Variants in DNAJC1 observed in about 807,000 individuals in gnomAD.
DNAJC1 encodes the protein dnaJ homolog subfamily C member 1.
In DNAJC1, 58 loss-of-function variants were observed where a neutral mutation model predicts 76.6. That is an observed-to-expected ratio of 0.76 (90% CI 0.61 to 0.94). The LOEUF is 0.94. Among genes scored for constraint, DNAJC1 ranks in the 40% least tolerant of loss-of-function variants. The pLI, the probability that DNAJC1 is intolerant of heterozygous loss-of-function variation, is 0.00. For missense variants in DNAJC1, 689 were observed against 677.3 expected (o/e 1.02, Z -0.19); for synonymous variants, 258 against 267.9 (o/e 0.96, Z 0.36).
intron 1 of DNAJC1, among the ~76,000 whole-genome samples, chr10:21,983,461 A>T (rs1162176382): frequency 6.6e-6 from 1 of 152,190 alleles, no homozygotes; most frequent in Non-Finnish European, 1.5e-5. Flanking sequence ...GCAGTGGCTC[A>T]CACCTGTAAT....
chr10:21,952,715 C>T (rs1019685569), intron 1 of DNAJC1, among the ~76,000 whole-genome samples: 1 of 151,994 alleles, frequency 6.6e-6, no homozygotes, highest in Admixed American at 6.6e-5. Flanking sequence ...GCTGAGATTG[C>T]GCCACTGCAC....
At chr10:21,894,216 C>A (rs1197518828) in intron 7 of DNAJC1, among the ~76,000 whole-genome samples, 1 of 152,072 alleles carries the variant, frequency 6.6e-6, no homozygotes, top group Non-Finnish European at 1.5e-5. Flanking sequence ...ATGATCTCCC[C>A]ACAGAATTCT....
At chr10:21,772,271 C>CTTTTTTTTTT (rs398045895) in intron 9 of DNAJC1, among the ~76,000 whole-genome samples, 1 of 93,044 alleles carries the variant, frequency 1.1e-5, no homozygotes, top group Non-Finnish European at 2.0e-5. Context: ...CACCCCTCTT[C>CTTTTTTTTTT]TTTTTTTTTT....
At chr10:21,810,148 C>G (rs1356403097) in intron 8 of DNAJC1, among the ~76,000 whole-genome samples, 1 of 152,078 alleles carries the variant, frequency 6.6e-6, no homozygotes, top group Non-Finnish European at 1.5e-5. Flanking sequence ...GCACACAATT[C>G]CGTTCAGAAT....
chr10:21,898,414 T>C (rs1287220491), intron 7 of DNAJC1, among the ~76,000 whole-genome samples: 4 of 152,194 alleles, frequency 2.6e-5, no homozygotes, highest in African/African-American at 9.6e-5. Flanking sequence ...GCATTACTCA[T>C]GTGTCGTAGT....
intron 7 of DNAJC1, among the ~76,000 whole-genome samples, chr10:21,898,688 C>T (rs893514320): frequency 6.6e-6 from 1 of 151,684 alleles, no homozygotes; most frequent in Non-Finnish European, 1.5e-5. Context: ...AAGTAGCAGG[C>T]ATTATAGACA....
At chr10:21,872,429 G>A (rs1836119849) in intron 8 of DNAJC1, among the ~76,000 whole-genome samples, 1 of 152,120 alleles carries the variant, frequency 6.6e-6, no homozygotes, top group Non-Finnish European at 1.5e-5. Context: ...AGAATTAAAT[G>A]AAAGTATGGG....
chr10:21,915,462 G>A (rs931920962), intron 6 of DNAJC1, among the ~76,000 whole-genome samples: 3 of 152,162 alleles, frequency 2.0e-5, no homozygotes, highest in African/African-American at 7.2e-5. Flanking sequence ...GGAAGCCTCT[G>A]AATCTCCCAC....
chr10:21,825,063 T>C (rs556619161), intron 8 of DNAJC1, among the ~76,000 whole-genome samples: 9 of 152,168 alleles, frequency 5.9e-5, no homozygotes, highest in Non-Finnish European at 7.4e-5. Flanking sequence ...AGGTGTAAGC[T>C]GCCACGCCCG....
chr10:21,908,198 T>TATA (rs1458707158), intron 6 of DNAJC1, among the ~76,000 whole-genome samples: 2 of 98,778 alleles, frequency 2.0e-5, no homozygotes, highest in Middle Eastern at 4.3e-3. Flanking sequence ...ATATATATTA[T>TATA]ATATATAAAA....
At chr10:21,781,249 T>C (rs563171417) in intron 9 of DNAJC1, among the ~76,000 whole-genome samples, 7 of 152,270 alleles carry the variant, frequency 4.6e-5, no homozygotes, top group East Asian at 1.9e-4. Flanking sequence ...GCGGACCTAA[T>C]AGACATCAAC....
intron 8 of DNAJC1, among the ~76,000 whole-genome samples, chr10:21,822,020 C>T (rs1835167556): frequency 1.3e-5 from 2 of 152,114 alleles, no homozygotes; most frequent in Admixed American, 1.3e-4. Context: ...AGAATGGTAC[C>T]TGACTCTTAG....
intron 8 of DNAJC1, among the ~76,000 whole-genome samples, chr10:21,823,997 CAT>C (rs772709243): frequency 2.6e-5 from 4 of 152,070 alleles, no homozygotes; most frequent in Non-Finnish European, 4.4e-5. Context: ...CAGGTAAAAA[CAT>C]ATGGACAAAT....
At chr10:21,956,115 G>T (rs1481565878) in intron 1 of DNAJC1, among the ~76,000 whole-genome samples, 1 of 152,056 alleles carries the variant, frequency 6.6e-6, no homozygotes, top group African/African-American at 2.4e-5. Flanking sequence ...AAAGTCAAAG[G>T]GCCCACTTCT....
chr10:21,944,783 A>T (rs1392201334), intron 1 of DNAJC1, among the ~76,000 whole-genome samples: 2 of 152,238 alleles, frequency 1.3e-5, no homozygotes, highest in Non-Finnish European at 2.9e-5. Context: ...TAAAAAATAA[A>T]CAGGAAAGAA....
At chr10:21,856,732 G>C (rs1224655379) in intron 8 of DNAJC1, among the ~76,000 whole-genome samples, 2 of 151,412 alleles carry the variant, frequency 1.3e-5, no homozygotes, top group African/African-American at 4.9e-5. Flanking sequence ...ATGACACATA[G>C]AAAAAAAAAT....
intron 7 of DNAJC1, among the ~76,000 whole-genome samples, chr10:21,904,179 G>T (rs1836705500): frequency 6.6e-6 from 1 of 152,134 alleles, no homozygotes; most frequent in Admixed American, 6.5e-5. Context: ...TACACAGAAA[G>T]TTGGGTGATT....
rs1368084251 is a variant in DNAJC1 at position 21,789,150 on chromosome 10, T to G, written c.1098+16830A>C. Among the ~76,000 whole-genome samples the G allele has an allele frequency of 2.0e-5, 3 of 152,100 alleles. No individual in the cohort carries two copies. The East Asian group carries it at 5.8e-4, about 29-fold the overall frequency. On this transcript the variant is annotated intron_variant, in intron 9 of 11. Transcript: ENST00000376980. ...GCTAGGTTTCCCCACCGTGGGGAAG[T>G]TGAGAAAAGGACTCCAAAAGCCCCT... is the stretch of plus-strand genomic sequence containing the variant.
chr10:21,985,830 A>G (rs2131842059), intron 1 of DNAJC1, among the ~76,000 whole-genome samples: 1 of 152,306 alleles, frequency 6.6e-6, no homozygotes, highest in African/African-American at 2.4e-5. Flanking sequence ...GCTGCAATGA[A>G]CACTCATGTA....
Sources: gnomAD v4.1 joint callset for allele counts (sites outside exome capture counted in the v4.1 genomes callset) on GRCh38, gnomAD v4.1.1 for gene constraint, MANE v1.5 for transcripts, NCBI Gene and HGNC (gene_info 2026-07-23, HGNC 2026-07-21) for gene names.